The following TCOF1 variants were observed in gnomAD, a reference collection of about 807,000 sequenced individuals.
The protein encoded by TCOF1 is treacle ribosome biogenesis factor 1.
TCOF1 carries 33 observed loss-of-function variants against 149.0 expected under a neutral mutation model. The observed-to-expected ratio is 0.22, with a 90% CI of 0.17 to 0.30. The LOEUF is 0.30. TCOF1 is among the 10% of genes least tolerant of loss of function. The pLI is 1.00. For missense variants in TCOF1, 1,728 were observed against 1,840.7 expected (o/e 0.94, Z 1.12); for synonymous variants, 789 against 738.8 (o/e 1.07, Z -1.10).
chr5:150,372,286 C>T, intron 7 of TCOF1, 50 bp downstream of exon 7: 1 of 1,500,644 alleles, frequency 6.7e-7, no homozygotes, highest in South Asian at 1.2e-5. Flanking sequence ...GGTCCCCCAG[C>T]AGCCTGAGCA....
At chr5:150,384,985 T>G (rs1270431713) in intron 17 of TCOF1, 1 of 985,298 alleles carries the variant, frequency 1.0e-6, no homozygotes. Flanking sequence ...CCCCTCACTG[T>G]GCCTCCGCCC....
In TCOF1 at chr5:150,376,272, G is replaced by A; in HGVS notation, c.2084G>A (p.Ser695Asn). ...GTQRPAEDSS[S>N]SEESDSEEEK... ...CAGAGACCAGCAGAGGATTCTTCAA[G>A]CAGTGAGGAATCAGATAGTGAGGAA... Residue 695 changes from serine to asparagine, a missense_variant, in exon 13 of 27, where the codon AGC (serine) becomes AAC (asparagine). Around this residue, in one of 2 missense-constraint regions of TCOF1, gnomAD observed 1,696 missense variants for 1,765.4 expected, o/e 0.96. Coordinates refer to ENST00000643257, the MANE Select transcript of TCOF1 (RefSeq NM_001371623.1). 6.2e-7 allele frequency: 1 copy of A among 1,614,208 alleles called. No homozygotes were observed. The highest frequency in any genetic ancestry group is 8.5e-7 in the Non-Finnish European group (1 of 1,180,028).
chr5:150,384,709 T>C (rs774572294), intron 17 of TCOF1: 8 of 985,512 alleles, frequency 8.1e-6, no homozygotes, highest in Non-Finnish European at 9.6e-6. Context: ...GTCAGCGGTT[T>C]GTACATTCCC....
At chr5:150,378,165 A>G (rs1421854546) in intron 14 of TCOF1, among the ~76,000 whole-genome samples, 1 of 151,992 alleles carries the variant, frequency 6.6e-6, no homozygotes, top group Non-Finnish European at 1.5e-5. Context: ...ATGCTGGGGG[A>G]TGGGGTTGTT....
At chr5:150,394,404 C>T (rs1444715843) in intron 23 of TCOF1, 3 of 152,366 alleles carry the variant, frequency 2.0e-5, no homozygotes, top group Non-Finnish European at 4.4e-5. Flanking sequence ...CCATACAAAA[C>T]AGCAGTTGAT....
intron 23 of TCOF1, among the ~76,000 whole-genome samples, chr5:150,396,026 C>T (rs941790971): frequency 2.6e-5 from 4 of 152,122 alleles, no homozygotes; most frequent in African/African-American, 9.7e-5. Flanking sequence ...TTCTGTCCCC[C>T]ACCCTAACTG....
rs1281978299 is a variant in TCOF1 at position 150,374,208 on chromosome 5, C to G, written c.905C>G (p.Ala302Gly). 6.2e-7 allele frequency: 1 copy of G among 1,612,816 alleles called. No individual in the cohort carries two copies. Among genetic ancestry groups the G allele is most frequent in the Non-Finnish European group, 8.5e-7 (1 of 1,179,612 alleles). ...KASEKILQVR[A>G]ASAPAKGTPG... ...TCTGAAAAAATTCTCCAGGTCAGAG[C>G]TGCCTCAGCCCCTGCCAAGGGGACC... The change falls in exon 8 of 27, where the codon GCT becomes GGT. Residue 302 changes from alanine to glycine, a missense_variant. Ala to Gly is a moderately conservative substitution (Grantham distance 60). Transcript: ENST00000643257.
chr5:150,361,266 C>A, intron 2 of TCOF1, 55 bp downstream of exon 2: 1 of 1,602,238 alleles, frequency 6.2e-7, no homozygotes, highest in Admixed American at 1.7e-5. Context: ...AGCAACTCAG[C>A]TTGGAATAAG....
In TCOF1 at chr5:150,374,261, C is replaced by T. The variant is rs375787737; in HGVS notation, c.958C>T (p.Pro320Ser). 1 of 1,606,952 alleles carries T rather than the reference C, an allele frequency of 6.2e-7. No individual in the cohort carries two copies. The highest frequency in any genetic ancestry group is 8.5e-7 in the Non-Finnish European group (1 of 1,176,610). The change falls in exon 8 of 27, where the codon CCT becomes TCT. Residue 320 changes from proline to serine, a missense_variant. This residue lies in a region of TCOF1 where 1,696 missense variants were observed against 1,765.4 expected (regional missense o/e 0.96). Coordinates refer to ENST00000643257, the MANE Select transcript of TCOF1 (RefSeq NM_001371623.1). ...TPGKGATPAPPGKAGAVASQT... is the reference protein window; with the variant it reads ...TPGKGATPAPSGKAGAVASQT... ...TGGGAAAGGGGCTACCCCAGCACCC[C>T]CTGGGAAGGCAGGGGCTGTAGCCTC...
chr5:150,366,318 T>G (rs1486286611), intron 3 of TCOF1, among the ~76,000 whole-genome samples: 1 of 152,162 alleles, frequency 6.6e-6, no homozygotes, highest in African/African-American at 2.4e-5. Context: ...GCCACTGTAC[T>G]CCAGCCTGGG....
chr5:150,390,568 C>T (rs1339789838), intron 19 of TCOF1, among the ~76,000 whole-genome samples: 1 of 151,468 alleles, frequency 6.6e-6, no homozygotes, highest in Admixed American at 6.6e-5. Context: ...AGACCCAGTT[C>T]ATTGCTCTTT....
At chr5:150,370,297 G>A (rs1762240813) in intron 6 of TCOF1, among the ~76,000 whole-genome samples, 2 of 152,340 alleles carry the variant, frequency 1.3e-5, no homozygotes, top group South Asian at 4.1e-4. Context: ...TGATGAGTAG[G>A]CGTAAGCAGA....
At position 150,379,314 on chromosome 5, in the gene TCOF1, C is replaced by G. The variant is rs2150806585; in HGVS notation, c.2564C>G (p.Ala855Gly). Reference sequence around the variant, plus strand: ...GTGCCATCTGTGGGGAAGGCCGTGGCTACAGCAGCTCAGGCCCAGACAGGG... The same window carrying G: ...GTGCCATCTGTGGGGAAGGCCGTGGGTACAGCAGCTCAGGCCCAGACAGGG... ...ASVPSVGKAV[A>G]TAAQAQTGPE... The change falls in exon 16 of 27, where the codon GCT (alanine) becomes GGT (glycine). Residue 855 changes from alanine to glycine, a missense_variant. By Grantham distance (60) the Ala-to-Gly change is moderately conservative (BLOSUM62 0). Transcript: ENST00000643257. The G allele has an allele frequency of 6.2e-7, 1 of 1,614,212 alleles. No individual in the cohort carries two copies. The highest frequency in any genetic ancestry group is 8.5e-7 in the Non-Finnish European group (1 of 1,180,042).
chr5:150,367,593 G>A (rs968288253), intron 3 of TCOF1: 24 of 506,024 alleles, frequency 4.7e-5, no homozygotes, highest in African/African-American at 2.5e-4. Flanking sequence ...CTCATGCTGC[G>A]GGGGAGTTGG....
At chr5:150,378,308 T>G (rs539738388) in intron 14 of TCOF1, among the ~76,000 whole-genome samples, 1 of 152,342 alleles carries the variant, frequency 6.6e-6, no homozygotes, top group East Asian at 1.9e-4. Flanking sequence ...TCCCTTTTTT[T>G]TTGTTCTCCT....
At chr5:150,390,142 C>T (rs73799046) in intron 19 of TCOF1, 119 bp downstream of exon 19, 44 of 1,479,450 alleles carry the variant, frequency 3.0e-5, no homozygotes, top group African/African-American at 2.5e-4. Context: ...CTCCAGAGGT[C>T]GTGGCCTCAC....
chr5:150,383,874 C>T (rs1305529101), intron 17 of TCOF1: 4 of 1,545,424 alleles, frequency 2.6e-6, no homozygotes, highest in Non-Finnish European at 2.6e-6. Flanking sequence ...AGGGTGGGAC[C>T]AGGCCCACCT....
intron 14 of TCOF1, among the ~76,000 whole-genome samples, chr5:150,376,946 G>C (rs1211002578): frequency 2.0e-5 from 3 of 152,234 alleles, no homozygotes; most frequent in African/African-American, 7.2e-5. Context: ...TCTCTGTGGA[G>C]CATGGACATG....
intron 19 of TCOF1, among the ~76,000 whole-genome samples, chr5:150,390,554 T>C (rs1407072063): frequency 6.6e-6 from 1 of 152,104 alleles, no homozygotes; most frequent in Non-Finnish European, 1.5e-5. Context: ...ACCCGGGTCT[T>C]CTGAGACCCA....
Sources: gnomAD v4.1 joint callset for allele counts (sites outside exome capture counted in the v4.1 genomes callset) on GRCh38, gnomAD v4.1.1 for gene constraint, gnomAD v4.1.1 regional missense constraint, MANE v1.5 for transcripts, NCBI Gene and HGNC (gene_info 2026-07-23, HGNC 2026-07-21) for gene names.